The following SH3KBP1 variants were observed in gnomAD, a reference collection of about 807,000 sequenced individuals.
SH3KBP1 encodes SH3 domain-containing kinase-binding protein 1.
A neutral mutation model predicts 50.1 loss-of-function variants in SH3KBP1; 8 were observed. The ratio of observed to expected loss-of-function variants is 0.16; its 90% CI spans 0.09 to 0.29. SH3KBP1 has a LOEUF of 0.29. Ranked by LOEUF, SH3KBP1 falls within the 10% of genes least tolerant of loss-of-function variation. The pLI, the probability that SH3KBP1 is intolerant of heterozygous loss-of-function variation, is 1.00. For synonymous variants in SH3KBP1, 227 were observed against 218.6 expected (o/e 1.04, Z -0.34); for missense variants, 377 against 535.2 (o/e 0.70, Z 2.92).
At chrX:19,762,425 C>A (rs772427897) in intron 2 of SH3KBP1, among the ~76,000 whole-genome samples, 89 of 110,202 alleles carry the variant, frequency 8.1e-4, no homozygotes, top group Admixed American at 1.3e-3. Context: ...ATTTTGCAGA[C>A]CCTCTACTAG....
intron 9 of SH3KBP1, among the ~76,000 whole-genome samples, chrX:19,600,521 A>G (rs1253807622): frequency 2.7e-5 from 3 of 112,389 alleles, no homozygotes; most frequent in Non-Finnish European, 5.6e-5. Context: ...GGAGTTCACT[A>G]TTCTCAAATA....
chrX:19,678,349 G>GAAT (rs1569413241), intron 6 of SH3KBP1, among the ~76,000 whole-genome samples: 10 of 98,266 alleles, frequency 1.0e-4, no homozygotes, highest in Non-Finnish European at 1.9e-4. Flanking sequence ...ATTCCAGGAG[G>GAAT]TTTTTTTTTT....
At chrX:19,653,133 G>A (rs993692548) in intron 6 of SH3KBP1, among the ~76,000 whole-genome samples, 2 of 111,098 alleles carry the variant, frequency 1.8e-5, no homozygotes, top group East Asian at 5.7e-4. Context: ...GGGACCACAG[G>A]TGTGTACCAC....
At chrX:19,672,443 G>T (rs1364412641) in intron 6 of SH3KBP1, among the ~76,000 whole-genome samples, 1 of 111,808 alleles carries the variant, frequency 8.9e-6, no homozygotes, top group Non-Finnish European at 1.9e-5. Context: ...CGTCAGCCAA[G>T]GTGACTAAGG....
At chrX:19,695,893 C>A in intron 4 of SH3KBP1, 152 bp from the exon 5 acceptor site, 1 of 457,974 alleles carries the variant, frequency 2.2e-6, no homozygotes, top group Non-Finnish European at 3.5e-6. Context: ...GAAAAAAAGA[C>A]CACATAGAGC....
rs140924124 is a variant in SH3KBP1, at chrX:19,617,065, G to A, written c.898-9020C>T. Among the ~76,000 whole-genome samples, 914 of 112,215 alleles carry A rather than the reference G, an allele frequency of 8.1e-3. 3 individuals are homozygous for A. The highest frequency in any genetic ancestry group is 0.015 in the Non-Finnish European group (774 of 53,203). On this transcript the variant is annotated intron_variant, in intron 8 of 17. Transcript: ENST00000397821. ...GCAGTTCCCTGCCCTGAAAATTTGA[G>A]CCACCCCAGCAGTCCTGAATTACAG...
At chrX:19,814,722 C>T (rs1333087845) in intron 2 of SH3KBP1, among the ~76,000 whole-genome samples, 2 of 111,610 alleles carry the variant, frequency 1.8e-5, no homozygotes, top group Admixed American at 9.5e-5. Context: ...CCCCAACATT[C>T]ATCTTCCCCT....
chrX:19,614,221 T>A (rs2067528160), intron 8 of SH3KBP1, among the ~76,000 whole-genome samples: 1 of 112,429 alleles, frequency 8.9e-6, no homozygotes, highest in South Asian at 3.6e-4. Context: ...CGGGCCTCAG[T>A]CTGTTCAATC....
At chrX:19,726,092 C>T (rs1030718814) in intron 3 of SH3KBP1, among the ~76,000 whole-genome samples, 1 of 111,676 alleles carries the variant, frequency 9.0e-6, no homozygotes, top group Non-Finnish European at 1.9e-5. Context: ...ACTATAGAAA[C>T]AGCTTACACT....
intron 2 of SH3KBP1, among the ~76,000 whole-genome samples, chrX:19,755,210 A>G (rs2065175995): frequency 9.0e-6 from 1 of 110,860 alleles, no homozygotes; most frequent in Non-Finnish European, 1.9e-5. Flanking sequence ...TCTACTAAAG[A>G]TACAAAAAAT....
intron 5 of SH3KBP1, among the ~76,000 whole-genome samples, chrX:19,689,293 A>C (rs1321556213): frequency 8.9e-6 from 1 of 112,292 alleles, no homozygotes; most frequent in African/African-American, 3.2e-5. Context: ...TCAGTCATTA[A>C]GTCACCATTA....
At chrX:19,781,231 G>T (rs1233726959) in intron 2 of SH3KBP1, among the ~76,000 whole-genome samples, 4 of 111,480 alleles carry the variant, frequency 3.6e-5, no homozygotes, top group Non-Finnish European at 5.6e-5. Context: ...TGGGGATCTT[G>T]CTAAACTGCA....
chrX:19,886,485 G>A (rs1011041628), intron 1 of SH3KBP1, among the ~76,000 whole-genome samples: 3 of 111,857 alleles, frequency 2.7e-5, no homozygotes, highest in Non-Finnish European at 5.6e-5. Flanking sequence ...GCTTCTCTGG[G>A]CAGCAAGGTG....
chrX:19,885,259 C>A (rs1451260214), intron 1 of SH3KBP1, among the ~76,000 whole-genome samples: 1 of 112,070 alleles, frequency 8.9e-6, no homozygotes, highest in Non-Finnish European at 1.9e-5. Flanking sequence ...ACAGAATGAA[C>A]CGTTAAATAA....
chrX:19,837,064 T>C (rs2068079745), intron 1 of SH3KBP1, among the ~76,000 whole-genome samples: 1 of 112,134 alleles, frequency 8.9e-6, no homozygotes, highest in Admixed American at 9.5e-5. Context: ...TTACCCAATC[T>C]TGGGTATGTC....
At chrX:19,695,572 C>A in intron 5 of SH3KBP1, 40 bp downstream of exon 5, 1 of 1,201,483 alleles carries the variant, frequency 8.3e-7, no homozygotes, top group Non-Finnish European at 1.1e-6. Flanking sequence ...GCCTGCCGGT[C>A]CCCCGCCCCT....
intron 14 of SH3KBP1, among the ~76,000 whole-genome samples, chrX:19,548,747 T>A (rs755599261): frequency 9.1e-6 from 1 of 110,248 alleles, no homozygotes; most frequent in South Asian, 3.9e-4. Flanking sequence ...CTGCAAAAGG[T>A]TAATTCCTTG....
intron 6 of SH3KBP1, among the ~76,000 whole-genome samples, chrX:19,673,775 G>A (rs1169746591): frequency 9.0e-6 from 1 of 111,142 alleles, no homozygotes; most frequent in African/African-American, 3.3e-5. Context: ...GGCAGCTTGT[G>A]AGTGGGCTGG....
At chrX:19,574,975 C>A (rs756668941) in intron 12 of SH3KBP1, among the ~76,000 whole-genome samples, 2 of 111,887 alleles carry the variant, frequency 1.8e-5, no homozygotes, top group Non-Finnish European at 3.8e-5. Flanking sequence ...CTACCTTGAT[C>A]TTAGACTTCT....
Sources: gnomAD v4.1 joint callset for allele counts (sites outside exome capture counted in the v4.1 genomes callset) on GRCh38, gnomAD v4.1.1 for gene constraint, MANE v1.5 for transcripts, NCBI Gene and HGNC (gene_info 2026-07-23, HGNC 2026-07-21) for gene names.